The following GPAT4 variants were observed in gnomAD, a reference collection of about 807,000 sequenced individuals.
GPAT4 encodes glycerol-3-phosphate acyltransferase 4, also known as 1-AGP acyltransferase 6.
A neutral mutation model predicts 58.0 loss-of-function variants in GPAT4; 17 were observed. That is an observed-to-expected ratio of 0.29 (90% CI 0.20 to 0.44). The LOEUF (loss-of-function observed/expected upper bound fraction) is 0.44. Ranked by LOEUF, GPAT4 falls within the 20% of genes least tolerant of loss-of-function variation. The probability of loss-of-function intolerance (pLI) is 1.00; values close to 1 mark genes in which losing one functional copy is unlikely to be tolerated. For missense variants in GPAT4, 377 were observed against 574.5 expected, an observed-to-expected ratio of 0.66 and a Z score of 3.51; for synonymous variants, 204 against 210.1, an observed-to-expected ratio of 0.97 and a Z score of 0.25.
At chr8:41,612,779 T>C (rs1345886505) in intron 7 of GPAT4, 66 bp from the exon 8 acceptor site, 1 of 1,409,538 alleles carries the variant, frequency 7.1e-7, no homozygotes, top group African/African-American at 1.4e-5. Context: ...GATGTGGTTC[T>C]TCCTAGAGTG....
At chr8:41,591,781 C>G (rs919110165) in intron 1 of GPAT4, among the ~76,000 whole-genome samples, 1 of 152,240 alleles carries the variant, frequency 6.6e-6, no homozygotes, top group African/African-American at 2.4e-5. Flanking sequence ...GTGTCTTCAA[C>G]TACTGGCCCT....
rs1293970965 is a variant in GPAT4 at position 41,612,190 on chromosome 8, C to T, written c.712C>T (p.Pro238Ser). 1 of 1,614,070 alleles carries T rather than the reference C, an allele frequency of 6.2e-7. No homozygotes were observed. The change falls in exon 7 of 13, where the codon CCA becomes TCA. Residue 238 changes from proline (P) to serine (S), a missense_variant. Pro to Ser is a moderately conservative substitution (Grantham distance 74). Coordinates refer to ENST00000396987, the MANE Select transcript of GPAT4 (RefSeq NM_178819.4). ...IITYHDRENR[P>S]RNGGICVANH... ...ACATTTTAAACCCAGGGAAAACAGA[C>T]CAAGAAATGGTGGCATCTGTGTGGC...
At chr8:41,616,185 C>G (rs1434371987) in intron 10 of GPAT4, among the ~76,000 whole-genome samples, 1 of 152,230 alleles carries the variant, frequency 6.6e-6, no homozygotes, top group African/African-American at 2.4e-5. Flanking sequence ...TGGATGGAAG[C>G]CCTTACTGCT....
chr8:41,607,121 C>G (rs550903871), intron 2 of GPAT4, among the ~76,000 whole-genome samples: 1 of 152,260 alleles, frequency 6.6e-6, no homozygotes, highest in Admixed American at 6.5e-5. Context: ...TCTCAAACTC[C>G]TGGGCTTAAA....
Position 41,618,805 on chromosome 8 carries a change from C to T in GPAT4, c.1175C>T (p.Thr392Ile). 1 of 1,614,232 alleles carries T rather than the reference C, an allele frequency of 6.2e-7. No homozygotes were observed. The change falls in exon 11 of 13, where the codon ACT (threonine) becomes ATT (isoleucine). Residue 392 changes from threonine (T) to isoleucine (I), a missense_variant. Transcript: ENST00000396987. ...VCSVWYLPPM[T>I]READEDAVQF... ...AGCGTGTGGTACCTGCCTCCCATGA[C>T]TAGAGAGGTGAGTGCCTGCCCCAGG... is the stretch of plus-strand genomic sequence containing the variant.
chr8:41,607,908 G>T (rs1803327393), intron 2 of GPAT4, among the ~76,000 whole-genome samples: 1 of 152,182 alleles, frequency 6.6e-6, no homozygotes, highest in Admixed American at 6.5e-5. Context: ...AATTCTGGTT[G>T]AGTGACCTGT....
chr8:41,615,202 G>A (rs1338607289), intron 10 of GPAT4, among the ~76,000 whole-genome samples, 154 bp downstream of exon 10: 1 of 152,194 alleles, frequency 6.6e-6, no homozygotes, highest in Non-Finnish European at 1.5e-5. Context: ...GTCAAGTGCT[G>A]CCGGAGGAGG....
intron 1 of GPAT4, among the ~76,000 whole-genome samples, chr8:41,595,002 A>G (rs1236838250): frequency 2.0e-5 from 3 of 152,112 alleles, no homozygotes; most frequent in African/African-American, 7.2e-5. Flanking sequence ...TAGACTGTCT[A>G]AGGCGACAAG....
At chr8:41,588,968 A>C (rs1278170613) in intron 1 of GPAT4, among the ~76,000 whole-genome samples, 4 of 152,218 alleles carry the variant, frequency 2.6e-5, no homozygotes, top group African/African-American at 9.6e-5. Context: ...TGAGGGAATA[A>C]GTGAATATTC....
chr8:41,614,057 C>G (rs1277881115), intron 8 of GPAT4, among the ~76,000 whole-genome samples: 1 of 152,232 alleles, frequency 6.6e-6, no homozygotes, highest in East Asian at 1.9e-4. Context: ...GTTACATAGT[C>G]TAGTGACACA....
intron 6 of GPAT4, 24 bp from the exon 7 acceptor site, chr8:41,612,156 G>A: frequency 6.2e-7 from 1 of 1,613,500 alleles, no homozygotes; most frequent in Non-Finnish European, 8.5e-7. Flanking sequence ...AATTTTGGTT[G>A]CTTTGCATAC....
At chr8:41,619,173 C>A in intron 12 of GPAT4, 196 bp downstream of exon 12, 1 of 647,720 alleles carries the variant, frequency 1.5e-6, no homozygotes, top group Non-Finnish European at 2.7e-6. Flanking sequence ...TCAGGGATGC[C>A]TGGACTGAGG....
At position 41,612,726 on chromosome 8, in the gene GPAT4, C is replaced by T. The variant is rs867221402; in HGVS notation, c.796-119C>T. On this transcript the variant is annotated intron_variant, in intron 7 of 12. Coordinates refer to ENST00000396987, the MANE Select transcript of GPAT4 (RefSeq NM_178819.4). ...TTCTTGGCAGTGAGCAACCTTCAGC[C>T]GGCAAGCGTTAGAAGTGAGAAGTTG... The T allele has an allele frequency of 2.0e-4, 162 of 830,222 alleles. 2 individuals are homozygous for T. In the Middle Eastern group the frequency reaches 2.4e-3, roughly 12 times the overall value. 51.4% of individuals were successfully genotyped at this position (830,222 alleles called of 1,614,324 possible).
chr8:41,586,007 G>C (rs59684673), intron 1 of GPAT4, among the ~76,000 whole-genome samples: 21,275 of 152,228 alleles, frequency 0.14, 1,600 homozygotes, highest in Middle Eastern at 0.2. Context: ...TATGTTCACA[G>C]ATGTGTATAG....
intron 5 of GPAT4, among the ~76,000 whole-genome samples, chr8:41,611,700 T>C (rs1803449677): frequency 6.6e-6 from 1 of 152,166 alleles, no homozygotes; most frequent in Non-Finnish European, 1.5e-5. Context: ...TTTGGGTGGA[T>C]GTAAGTGAGT....
intron 1 of GPAT4, among the ~76,000 whole-genome samples, chr8:41,580,679 A>G (rs147151099): frequency 2.2e-3 from 337 of 152,316 alleles, no homozygotes; most frequent in African/African-American, 6.1e-3. Flanking sequence ...TACTTTCAGG[A>G]TGGACTTTTC....
In GPAT4 at chr8:41,609,686, A is replaced by G; in HGVS notation, c.267A>G (p.Glu89=). The change falls in exon 4 of 13, where the codon GAA becomes GAG. Residue 89 remains glutamate, a synonymous_variant. Coordinates refer to ENST00000396987, the MANE Select transcript of GPAT4 (RefSeq NM_178819.4). ...TTGCAAAGGATCCCACTTCACTAGA[A>G]GAAGAGATCAAAGAGATTCGTCGAA... ...GIIAKDPTSL[E]EEIKEIRRSG... 6.2e-7 allele frequency: 1 copy of G among 1,613,622 alleles called. No individual in the cohort carries two copies. Among genetic ancestry groups the G allele is most frequent in the African/African-American group, 1.3e-5 (1 of 74,998 alleles).
intron 1 of GPAT4, among the ~76,000 whole-genome samples, chr8:41,586,505 C>G (rs2977854): frequency 0.79 from 119,740 of 152,152 alleles, 47,191 homozygotes; most frequent in Middle Eastern, 0.85. Context: ...ATTCCCACCA[C>G]CAAAGTGTGA....
chr8:41,614,085 A>G (rs1234409292), intron 8 of GPAT4, among the ~76,000 whole-genome samples: 1 of 152,228 alleles, frequency 6.6e-6, no homozygotes, highest in African/African-American at 2.4e-5. Flanking sequence ...TGAGGGGGCC[A>G]TGCCCAGGCC....
Sources: allele counts gnomAD v4.1 joint callset (sites outside exome capture counted in the v4.1 genomes callset), GRCh38; gene constraint gnomAD v4.1.1; transcripts MANE v1.5; gene names NCBI Gene and HGNC (gene_info 2026-07-23, HGNC 2026-07-21).